The following VAV2 variants were observed in gnomAD, a reference collection of about 807,000 sequenced individuals.
The protein encoded by VAV2 is vav guanine nucleotide exchange factor 2, also known as guanine nucleotide exchange factor VAV2.
In VAV2, 67 loss-of-function variants were observed where a neutral mutation model predicts 132.5. The observed-to-expected ratio is 0.51, with a 90% CI of 0.42 to 0.62. The LOEUF (loss-of-function observed/expected upper bound fraction) is 0.62. Ranked by LOEUF, VAV2 falls within the 20% of genes least tolerant of loss-of-function variation. The probability of loss-of-function intolerance (pLI) is 0.00; values close to 1 mark genes in which losing one functional copy is unlikely to be tolerated. For synonymous variants in VAV2, 492 were observed against 443.5 expected (o/e 1.11, Z -1.37); for missense variants, 938 against 1,153.6 (o/e 0.81, Z 2.71).
At chr9:133,860,159 G>A (rs1405019759) in intron 3 of VAV2, among the ~76,000 whole-genome samples, 2 of 151,860 alleles carry the variant, frequency 1.3e-5, no homozygotes, top group Admixed American at 6.6e-5. Flanking sequence ...AAAATTAGCC[G>A]GGCGTGGTGG....
At chr9:133,843,377 G>A (rs975753280) in intron 3 of VAV2, among the ~76,000 whole-genome samples, 3 of 152,076 alleles carry the variant, frequency 2.0e-5, no homozygotes, top group African/African-American at 7.2e-5. Context: ...GGGTTTTTTT[G>A]GTATTTTTTT....
chr9:133,953,258 C>T (rs1001069085), intron 1 of VAV2, among the ~76,000 whole-genome samples: 3 of 152,258 alleles, frequency 2.0e-5, no homozygotes, highest in East Asian at 1.9e-4. Context: ...TGGGCAACTC[C>T]GGTGGCCAGC....
intron 19 of VAV2, among the ~76,000 whole-genome samples, chr9:133,782,910 G>T (rs1386702001): frequency 6.6e-6 from 1 of 152,122 alleles, no homozygotes; most frequent in Non-Finnish European, 1.5e-5. Flanking sequence ...CCGACCCAAG[G>T]TGCTTCAGAG....
intron 4 of VAV2, among the ~76,000 whole-genome samples, chr9:133,819,448 C>CAA (rs532943477): frequency 9.9e-4 from 135 of 136,440 alleles, no homozygotes; most frequent in African/African-American, 3.0e-3. Context: ...GGCTCCGTCT[C>CAA]AAAAAAAAAA....
chr9:133,990,951 G>A (rs568532633), intron 1 of VAV2, among the ~76,000 whole-genome samples: 146 of 152,294 alleles, frequency 9.6e-4, no homozygotes, highest in Non-Finnish European at 1.7e-3. Context: ...CAACCCGGCA[G>A]AGAAAGGCCC....
At chr9:133,772,643 G>A (rs1259650380) in intron 25 of VAV2, among the ~76,000 whole-genome samples, 14 of 137,032 alleles carry the variant, frequency 1.0e-4, no homozygotes, top group Non-Finnish European at 1.8e-4. Flanking sequence ...GCCAGACACA[G>A]ACATCACAAG....
chr9:133,834,295 G>C lies in VAV2; in HGVS notation c.426C>G (p.Tyr142Ter). The C allele has an allele frequency of 6.2e-7, 1 of 1,612,560 alleles. No homozygotes were observed. Among genetic ancestry groups the C allele is most frequent in the East Asian group, 2.2e-5 (1 of 44,858 alleles). Residue 142 changes from tyrosine (Y) to a stop codon, truncating the protein, a stop_gained, in exon 4 of 30, where the codon TAC becomes TAG. Coordinates refer to ENST00000371850, the MANE Select transcript of VAV2 (RefSeq NM_001134398.2). LOFTEE classifies it high-confidence loss of function. This position sits in a 1 kb window ranked among gnomAD's most constrained non-coding sequence, Gnocchi z 5.9. ...EETTENDDDV[Y>*]RSLEELADEH... ...ACTCGGCCAGCTCCTCCAGGCTGCG[G>C]TAGACGTCATCGTCATTCTCTGTGG... is the stretch of plus-strand genomic sequence containing the variant.
At chr9:133,772,565 G>A (rs1034994836) in intron 25 of VAV2, among the ~76,000 whole-genome samples, 7 of 152,096 alleles carry the variant, frequency 4.6e-5, no homozygotes, top group African/African-American at 7.2e-5. Context: ...ATGTCCTCAC[G>A]TCTCAATTCA....
chr9:133,797,904 T>C, intron 9 of VAV2, 95 bp from the exon 10 acceptor site: 2 of 1,159,424 alleles, frequency 1.7e-6, no homozygotes, highest in Non-Finnish European at 2.4e-6. Flanking sequence ...AGGCTGTAGG[T>C]GCGCAACCAA....
chr9:133,860,989 C>T (rs1837571078), intron 3 of VAV2, among the ~76,000 whole-genome samples: 1 of 152,240 alleles, frequency 6.6e-6, no homozygotes, highest in African/African-American at 2.4e-5. Flanking sequence ...CCAGGCAAGT[C>T]CACCATGCTC....
chr9:133,785,702 A>T (rs2131604026), intron 17 of VAV2, 74 bp downstream of exon 17: 1 of 1,439,228 alleles, frequency 6.9e-7, no homozygotes, highest in East Asian at 2.3e-5. Context: ...AACCACAGAC[A>T]CAATCCACCT....
intron 1 of VAV2, among the ~76,000 whole-genome samples, chr9:133,940,672 C>CAT (rs1554814233): frequency 0.017 from 2,321 of 139,356 alleles, 52 homozygotes; most frequent in African/African-American, 0.056. Flanking sequence ...TGTCCACGTG[C>CAT]GTGTGTGTGT....
chr9:133,978,182 G>A (rs779690947), intron 1 of VAV2, among the ~76,000 whole-genome samples: 56 of 152,332 alleles, frequency 3.7e-4, no homozygotes, highest in Middle Eastern at 6.8e-3. Flanking sequence ...TCCCTGGCCC[G>A]CCGGCCAGAG....
rs1841039422 is a variant in VAV2 at position 133,939,185 on chromosome 9, T to C, written c.239A>G (p.Lys80Arg). 1 of 1,614,200 alleles carries C rather than the reference T, an allele frequency of 6.2e-7. No homozygotes were observed. The change falls in exon 2 of 30, where the codon AAA (lysine) becomes AGA (arginine). Residue 80 changes from lysine (K) to arginine (R), a missense_variant. Transcript: ENST00000371850. ...TAATCCAAATTTATCGTGGCAGACT[T>C]TCAGGAAGGTGCGTATGTTCTTCAA... is the stretch of plus-strand genomic sequence containing the variant. The part of the protein sequence containing the change: ...LCLKNIRTFL[K>R]VCHDKFGLRN...
intron 1 of VAV2, among the ~76,000 whole-genome samples, chr9:133,964,876 G>A (rs1842095140): frequency 6.6e-6 from 1 of 152,170 alleles, no homozygotes; most frequent in South Asian, 2.1e-4. Flanking sequence ...TACTGAATGG[G>A]GAGAACCTGA....
intron 1 of VAV2, among the ~76,000 whole-genome samples, chr9:133,978,464 C>A (rs1410107659): frequency 6.6e-6 from 1 of 152,258 alleles, no homozygotes; most frequent in Non-Finnish European, 1.5e-5. Context: ...AGGCCACAGC[C>A]CGCAAGCACC....
intron 2 of VAV2, among the ~76,000 whole-genome samples, chr9:133,866,677 A>T (rs987268244): frequency 6.6e-6 from 1 of 152,086 alleles, no homozygotes; most frequent in Non-Finnish European, 1.5e-5. Flanking sequence ...GTGGTGGCAC[A>T]TGCCTGTAGT....
intron 3 of VAV2, among the ~76,000 whole-genome samples, chr9:133,856,861 T>C (rs1837402977): frequency 6.6e-6 from 1 of 152,176 alleles, no homozygotes; most frequent in African/African-American, 2.4e-5. Context: ...AAATTATGTG[T>C]ATTTACATCT....
At chr9:133,878,573 G>C (rs1003454063) in intron 2 of VAV2, among the ~76,000 whole-genome samples, 1 of 152,120 alleles carries the variant, frequency 6.6e-6, no homozygotes, top group African/African-American at 2.4e-5. Flanking sequence ...TCCTGCAGAT[G>C]CAAGCCCCCA....
Sources: gnomAD v4.1 joint callset for allele counts (sites outside exome capture counted in the v4.1 genomes callset) on GRCh38, gnomAD v4.1.1 for gene constraint, Gnocchi (gnomAD v3.1) non-coding constraint, MANE v1.5 for transcripts, NCBI Gene and HGNC (gene_info 2026-07-23, HGNC 2026-07-21) for gene names.